Variants in MID2 observed in about 807,000 individuals in gnomAD.
MID2 encodes the protein probable E3 ubiquitin-protein ligase MID2.
A neutral mutation model predicts 46.1 loss-of-function variants in MID2; 13 were observed. The observed-to-expected ratio is 0.28, with a 90% CI of 0.18 to 0.45. MID2 has a LOEUF of 0.45. MID2 is among the 20% of genes least tolerant of loss of function. The probability of loss-of-function intolerance (pLI) is 1.00; values close to 1 mark genes in which losing one functional copy is unlikely to be tolerated. For synonymous variants in MID2, 199 were observed against 212.3 expected, an observed-to-expected ratio of 0.94 and a Z score of 0.55; for missense variants, 431 against 575.4, an observed-to-expected ratio of 0.75 and a Z score of 2.57.
In MID2 at chrX:107,825,882, A is replaced by G. The variant is rs969913445; in HGVS notation, c.-545A>G. ...TCTCCGGTCACTCCTGCCAGGGGAGAAGACATGTAAACGTGCCTCCAGAGG... is the reference window on the plus strand; with the variant it reads ...TCTCCGGTCACTCCTGCCAGGGGAGGAGACATGTAAACGTGCCTCCAGAGG... On this transcript the variant is annotated 5_prime_UTR_variant, in exon 1 of 10. Transcript: ENST00000262843. 1.2e-4 allele frequency: 30 copies of G among 255,474 alleles called. No homozygotes were observed. The highest frequency in any genetic ancestry group is 2.0e-4 in the Non-Finnish European group (29 of 144,914). 21.1% of individuals were successfully genotyped at this position (255,474 alleles called of 1,213,427 possible).
At chrX:107,844,825 T>C (rs1462124068) in intron 2 of MID2, among the ~76,000 whole-genome samples, 1 of 111,881 alleles carries the variant, frequency 8.9e-6, no homozygotes, top group African/African-American at 3.2e-5. Context: ...CTACGTATTC[T>C]TTAATGCATA....
rs1452291220 is a variant in MID2, at chrX:107,928,956, AAGC to A, written c.*1884_*1886del. ...CTGGTAAATAGTTTGCTGTAGTGGA[AAGC>A]TCATAACCTTTGGATTCAAATGATC... On this transcript the variant is annotated 3_prime_UTR_variant, in exon 10 of 10. Coordinates refer to ENST00000262843, the MANE Select transcript of MID2 (RefSeq NM_012216.4). Among the ~76,000 whole-genome samples, 1 of 111,983 alleles carries A rather than the reference AAGC, an allele frequency of 8.9e-6. No individual in the cohort carries two copies. The highest frequency in any genetic ancestry group is 1.9e-5 in the Non-Finnish European group (1 of 53,091).
intron 2 of MID2, among the ~76,000 whole-genome samples, chrX:107,846,452 C>G (rs1274682690): frequency 9.1e-6 from 1 of 109,932 alleles, no homozygotes; most frequent in Non-Finnish European, 1.9e-5. Context: ...CAGCCTTCAA[C>G]TCAATGCTCA....
At chrX:107,917,192 T>G (rs1932985932) in intron 6 of MID2, among the ~76,000 whole-genome samples, 1 of 112,076 alleles carries the variant, frequency 8.9e-6, no homozygotes, top group African/African-American at 3.2e-5. Context: ...GAAGACCGTA[T>G]GTTAAGAAAA....
chrX:107,836,703 T>C (rs1295341940), intron 1 of MID2, among the ~76,000 whole-genome samples: 1 of 110,901 alleles, frequency 9.0e-6, no homozygotes, highest in Non-Finnish European at 1.9e-5. Context: ...GATTCTAAAA[T>C]ATTAGGAGTA....
chrX:107,899,065 A>G (rs191868954), intron 3 of MID2, among the ~76,000 whole-genome samples: 2 of 110,342 alleles, frequency 1.8e-5, no homozygotes, highest in East Asian at 5.7e-4. Flanking sequence ...CTGAGGTGAA[A>G]GTGGAAGTGG....
chrX:107,828,803 A>T (rs1396175073), intron 1 of MID2, among the ~76,000 whole-genome samples: 1 of 112,454 alleles, frequency 8.9e-6, no homozygotes, highest in African/African-American at 3.2e-5. Flanking sequence ...TGTAAAAGCT[A>T]TAATATTGTG....
chrX:107,837,549 AACT>A (rs1047305566), intron 1 of MID2, among the ~76,000 whole-genome samples: 3 of 110,501 alleles, frequency 2.7e-5, no homozygotes, highest in African/African-American at 9.9e-5. Context: ...AAAAAAAAAA[AACT>A]CTATAAACTA....
chrX:107,833,168 C>T (rs1473481586), intron 1 of MID2, among the ~76,000 whole-genome samples: 1 of 111,054 alleles, frequency 9.0e-6, no homozygotes, highest in African/African-American at 3.3e-5. Context: ...TACAATAATC[C>T]AAGCTGTCTT....
At position 107,841,108 on chromosome X, in the gene MID2, G is replaced by A. The variant is rs755002841; in HGVS notation, c.443G>A (p.Arg148Lys). 5 of 1,209,300 alleles carry A rather than the reference G, an allele frequency of 4.1e-6. No homozygotes were observed. Among genetic ancestry groups the A allele is most frequent in the South Asian group, 3.5e-5 (2 of 56,693 alleles). The change falls in exon 2 of 10, where the codon AGG (arginine) becomes AAG (lysine). Residue 148 changes from arginine (R) to lysine (K), a missense_variant. Arg to Lys is a conservative substitution (Grantham distance 26). Coordinates refer to ENST00000262843, the MANE Select transcript of MID2 (RefSeq NM_012216.4). The part of the protein sequence containing the change: ...ACQFCEQDPP[R>K]DAVKTCITCE... ...CAATTCTGTGAGCAGGACCCGCCAA[G>A]GGATGCAGTAAAAACATGCATCACC... is the stretch of plus-strand genomic sequence containing the variant.
chrX:107,880,558 A>G lies in MID2; in HGVS notation c.817-23400A>G, dbSNP rs748898145. Among the ~76,000 whole-genome samples, 4 of 111,585 alleles carry G rather than the reference A, an allele frequency of 3.6e-5. No homozygotes were observed. In the South Asian group the frequency reaches 1.5e-3, roughly 42 times the overall value. ...TTGGCAGGTACAGGTGGAGCCATTC[A>G]TGGTCAGATCTACAAAAAAACCTGA... On this transcript the variant is annotated intron_variant, in intron 3 of 9. Transcript: ENST00000262843.
At chrX:107,893,567 A>C (rs1046680445) in intron 3 of MID2, among the ~76,000 whole-genome samples, 9 of 112,462 alleles carry the variant, frequency 8.0e-5, no homozygotes, top group African/African-American at 2.9e-4. Flanking sequence ...GATTAAGTAG[A>C]TATATTTTAT....
chrX:107,910,510 T>C (rs762492396), intron 5 of MID2, among the ~76,000 whole-genome samples: 18 of 110,388 alleles, frequency 1.6e-4, no homozygotes, highest in Non-Finnish European at 2.8e-4. Flanking sequence ...TCTTTGGATA[T>C]ATACTGACTA....
At chrX:107,905,375 T>C in intron 4 of MID2, 103 bp from the exon 5 acceptor site, 2 of 673,249 alleles carry the variant, frequency 3.0e-6, no homozygotes, top group Non-Finnish European at 4.4e-6. Context: ...TAAACCTTAT[T>C]TTTAGAATCA....
Position 107,927,161 on chromosome X carries a change from CAAAAT to C in MID2, c.*92_*96del. ...AAGTTAGCGTTCAATATACGAGACA[CAAAAT>C]AAAGTTTGTTTGAAGCATCCAAAAT... is the stretch of plus-strand genomic sequence containing the variant. On this transcript the variant is annotated 3_prime_UTR_variant, in exon 10 of 10. Transcript: ENST00000262843. 1.2e-6 allele frequency: 1 copy of C among 853,714 alleles called. No homozygotes were observed. 70.4% of individuals were successfully genotyped at this position (853,714 alleles called of 1,213,427 possible).
intron 3 of MID2, among the ~76,000 whole-genome samples, chrX:107,865,070 A>G (rs1437747580): frequency 1.8e-5 from 2 of 112,387 alleles, no homozygotes; most frequent in African/African-American, 3.2e-5. Context: ...GGGGTAACTT[A>G]TTTGTATAAA....
intron 3 of MID2, chrX:107,895,638 C>G (rs1031266058): frequency 6.2e-5 from 7 of 112,030 alleles, no homozygotes; most frequent in Non-Finnish European, 1.3e-4. Flanking sequence ...TATGACCATT[C>G]GTGTAAGGTT....
intron 2 of MID2, among the ~76,000 whole-genome samples, chrX:107,845,650 G>A (rs1203765116): frequency 1.8e-5 from 2 of 109,776 alleles, no homozygotes; most frequent in Admixed American, 9.8e-5. Flanking sequence ...GCCACAATGA[G>A]AGTTAAAAGG....
intron 7 of MID2, among the ~76,000 whole-genome samples, chrX:107,919,797 T>A (rs1933036408): frequency 8.9e-6 from 1 of 112,063 alleles, no homozygotes; most frequent in Non-Finnish European, 1.9e-5. Flanking sequence ...CTTTGACTAC[T>A]GACTGTTTAC....
Sources: allele counts gnomAD v4.1 joint callset (sites outside exome capture counted in the v4.1 genomes callset), GRCh38; gene constraint gnomAD v4.1.1; transcripts MANE v1.5; gene names NCBI Gene and HGNC (gene_info 2026-07-23, HGNC 2026-07-21).